TM9SF2: variants seen among roughly 807,000 people sequenced by gnomAD.
TM9SF2 encodes transmembrane 9 superfamily member 2.
Under a neutral mutation model 84.9 loss-of-function variants are expected in TM9SF2, and 13 were observed. That is an observed-to-expected ratio of 0.15 (90% CI 0.10 to 0.24). The LOEUF (loss-of-function observed/expected upper bound fraction) is 0.24. TM9SF2 is among the 10% of genes least tolerant of loss of function. The pLI is 1.00. For missense variants in TM9SF2, 562 were observed against 818.5 expected (o/e 0.69, Z 3.82); for synonymous variants, 273 against 285.8 (o/e 0.96, Z 0.45).
chr13:99,537,845 C>T lies in TM9SF2; in HGVS notation c.698C>T (p.Ala233Val). The T allele has an allele frequency of 6.2e-7, 1 of 1,603,516 alleles. No homozygotes were observed. The highest frequency in any genetic ancestry group is 1.7e-4 in the Middle Eastern group (1 of 6,014). ...TCCATGGGAGCAAGATTAGTGGCTG[C>T]TAAACTTGAACCGAAAAGGTAATTA... ...TGSMGARLVAAKLEPKSFKHT... is the reference protein window; with the variant it reads ...TGSMGARLVAVKLEPKSFKHT... The change falls in exon 6 of 17, where the codon GCT (alanine) becomes GTT (valine). Residue 233 changes from alanine (A) to valine (V), a missense_variant. Transcript: ENST00000376387.
intron 4 of TM9SF2, among the ~76,000 whole-genome samples, chr13:99,534,356 A>G (rs1032826460): frequency 2.6e-5 from 4 of 152,180 alleles, no homozygotes; most frequent in African/African-American, 4.8e-5. Flanking sequence ...TCAAAATCCT[A>G]ATGAATACTC....
At chr13:99,546,030 G>A (rs1342685542) in intron 10 of TM9SF2, among the ~76,000 whole-genome samples, 1 of 152,212 alleles carries the variant, frequency 6.6e-6, no homozygotes, top group Admixed American at 6.5e-5. Context: ...ACTTTCTGCC[G>A]AAGGGCAGTC....
At chr13:99,535,633 G>A (rs566882832) in intron 4 of TM9SF2, among the ~76,000 whole-genome samples, 43 of 152,170 alleles carry the variant, frequency 2.8e-4, no homozygotes, top group African/African-American at 9.6e-4. Flanking sequence ...TAAAGGTGAC[G>A]AGACATGTTT....
At chr13:99,505,169 T>C (rs962218596) in intron 1 of TM9SF2, among the ~76,000 whole-genome samples, 1 of 151,312 alleles carries the variant, frequency 6.6e-6, no homozygotes, top group African/African-American at 2.4e-5. Flanking sequence ...TTTTTTTTTT[T>C]GAGACGGAGT....
At chr13:99,543,782 C>A in intron 9 of TM9SF2, 81 bp from the exon 10 acceptor site, 1 of 1,494,786 alleles carries the variant, frequency 6.7e-7, no homozygotes, top group Non-Finnish European at 9.0e-7. Flanking sequence ...TCTGTAACAG[C>A]ATATTCAACA....
chr13:99,540,411 A>C (rs2046253296), intron 7 of TM9SF2: 1 of 168,996 alleles, frequency 5.9e-6, no homozygotes, highest in Non-Finnish European at 1.3e-5. Context: ...AAAAAAAAAA[A>C]ACCTACATAT....
chr13:99,504,836 G>C (rs1566561277), intron 1 of TM9SF2, among the ~76,000 whole-genome samples: 1 of 152,052 alleles, frequency 6.6e-6, no homozygotes, highest in Non-Finnish European at 1.5e-5. Flanking sequence ...GCTTTTTATA[G>C]CCGATACTAT....
At chr13:99,540,844 T>C (rs1278001712) in intron 8 of TM9SF2, 51 bp downstream of exon 8, 2 of 1,489,084 alleles carry the variant, frequency 1.3e-6, no homozygotes, top group African/African-American at 1.4e-5. Context: ...CTACCCTCTG[T>C]CCCTTTGAAC....
intron 4 of TM9SF2, among the ~76,000 whole-genome samples, chr13:99,534,980 A>G (rs374101068): frequency 2.0e-5 from 3 of 152,038 alleles, no homozygotes; most frequent in African/African-American, 7.2e-5. Context: ...TGAGACCCCA[A>G]CTCTACAAAA....
At chr13:99,505,528 C>T (rs1260500918) in intron 1 of TM9SF2, among the ~76,000 whole-genome samples, 1 of 152,050 alleles carries the variant, frequency 6.6e-6, no homozygotes, top group Admixed American at 6.6e-5. Flanking sequence ...CTTTTATTTG[C>T]CTTATTTTGT....
At chr13:99,508,404 A>C (rs1169988206) in intron 1 of TM9SF2, among the ~76,000 whole-genome samples, 1 of 134,414 alleles carries the variant, frequency 7.4e-6, no homozygotes, top group Non-Finnish European at 1.6e-5. Context: ...AGGCAAACAA[A>C]ACACACACAC....
intron 15 of TM9SF2, among the ~76,000 whole-genome samples, chr13:99,557,177 G>A (rs1019247741): frequency 6.6e-6 from 1 of 152,116 alleles, no homozygotes; most frequent in Admixed American, 6.5e-5. Context: ...CCAATTCTCC[G>A]TATCTTTGCC....
In TM9SF2 at chr13:99,562,652, C is replaced by A. The variant is rs761823350; in HGVS notation, c.1925-39C>A. On this transcript the variant is annotated intron_variant, in intron 16 of 16. Coordinates refer to ENST00000376387, the MANE Select transcript of TM9SF2 (RefSeq NM_004800.3). ...TATTTTTGTGTAAAGTATGAAACTTCCTTTGAAAAGGGGTTTATTTTTATT... is the reference window on the plus strand; with the variant it reads ...TATTTTTGTGTAAAGTATGAAACTTACTTTGAAAAGGGGTTTATTTTTATT... 4 of 1,591,850 alleles carry A rather than the reference C, an allele frequency of 2.5e-6. No homozygotes were observed. The Admixed American group carries it at 5.1e-5, about 20-fold the overall frequency.
chr13:99,532,967 A>C (rs2139091152), intron 4 of TM9SF2, among the ~76,000 whole-genome samples: 1 of 152,224 alleles, frequency 6.6e-6, no homozygotes, highest in East Asian at 1.9e-4. Context: ...TTCAGTATAC[A>C]TTTGGAAAAT....
intron 4 of TM9SF2, among the ~76,000 whole-genome samples, chr13:99,533,662 TTTG>T (rs1270976722): frequency 6.6e-6 from 1 of 152,114 alleles, no homozygotes; most frequent in East Asian, 1.9e-4. Flanking sequence ...TATTTTTTTA[TTTG>T]TTGTTGTTGT....
intron 3 of TM9SF2, among the ~76,000 whole-genome samples, chr13:99,528,904 T>A (rs1408518432): frequency 2.0e-5 from 3 of 152,242 alleles, no homozygotes; most frequent in Non-Finnish European, 1.5e-5. Flanking sequence ...TTTGAATTTA[T>A]TAAAAGATGG....
intron 3 of TM9SF2, among the ~76,000 whole-genome samples, chr13:99,525,214 G>T (rs1408462913): frequency 1.3e-5 from 2 of 151,990 alleles, no homozygotes; most frequent in Non-Finnish European, 2.9e-5. Flanking sequence ...GAAACTGGAG[G>T]ATGGCGTGGT....
intron 1 of TM9SF2, among the ~76,000 whole-genome samples, chr13:99,508,642 TG>T (rs1263136299): frequency 2.6e-5 from 4 of 152,108 alleles, no homozygotes; most frequent in Admixed American, 2.6e-4. Context: ...CGACTTCTAG[TG>T]GGAACCTCAG....
intron 1 of TM9SF2, among the ~76,000 whole-genome samples, chr13:99,516,541 T>C (rs1263890034): frequency 3.3e-5 from 5 of 152,176 alleles, no homozygotes; most frequent in Non-Finnish European, 5.9e-5. Flanking sequence ...CTGAGCTCCT[T>C]TTTTGAGAGG....
Sources: gnomAD v4.1 joint callset for allele counts (sites outside exome capture counted in the v4.1 genomes callset) on GRCh38, gnomAD v4.1.1 for gene constraint, MANE v1.5 for transcripts, NCBI Gene and HGNC (gene_info 2026-07-23, HGNC 2026-07-21) for gene names.